The following SLC39A10 variants were observed in gnomAD, a reference collection of about 807,000 sequenced individuals.
SLC39A10 encodes the protein solute carrier family 39 member 10, also known as zinc transporter ZIP10.
SLC39A10 carries 13 observed loss-of-function variants against 65.1 expected under a neutral mutation model. That is an observed-to-expected ratio of 0.20 (90% CI 0.13 to 0.32). SLC39A10 has a LOEUF of 0.32. Among genes scored for constraint, SLC39A10 ranks in the 10% least tolerant of loss-of-function variants. The probability of loss-of-function intolerance (pLI) is 1.00; values close to 1 mark genes in which losing one functional copy is unlikely to be tolerated. For synonymous variants in SLC39A10, 321 were observed against 342.2 expected, an observed-to-expected ratio of 0.94 and a Z score of 0.68; for missense variants, 831 against 1,018.4, an observed-to-expected ratio of 0.82 and a Z score of 2.50.
intron 3 of SLC39A10, among the ~76,000 whole-genome samples, chr2:195,693,187 G>T (rs1036491332): frequency 7.9e-5 from 12 of 152,132 alleles, no homozygotes; most frequent in Non-Finnish European, 1.3e-4. Flanking sequence ...CTTGATCATG[G>T]TAGATTACCG....
chr2:195,703,752 C>T (rs1691288302), intron 3 of SLC39A10, among the ~76,000 whole-genome samples: 1 of 152,152 alleles, frequency 6.6e-6, no homozygotes, highest in African/African-American at 2.4e-5. Context: ...CTCCCAGGCT[C>T]CAGCCATCCT....
intron 2 of SLC39A10, among the ~76,000 whole-genome samples, chr2:195,622,972 C>A (rs1180966503): frequency 0.012 from 1,124 of 96,306 alleles, no homozygotes; most frequent in African/African-American, 0.014. Flanking sequence ...ACTCCTGTCT[C>A]AAAAAAAAAA....
chr2:195,644,635 C>T (rs1185100507), intron 2 of SLC39A10, among the ~76,000 whole-genome samples: 2 of 151,426 alleles, frequency 1.3e-5, no homozygotes, highest in Non-Finnish European at 2.9e-5. Context: ...CCACAGGCCC[C>T]TCAACTAAAA....
chr2:195,695,460 C>T (rs1027919845), intron 3 of SLC39A10, among the ~76,000 whole-genome samples: 2 of 152,204 alleles, frequency 1.3e-5, no homozygotes, highest in African/African-American at 2.4e-5. Flanking sequence ...CCACCATTCC[C>T]CCGGAGAAGC....
At chr2:195,720,619 A>G (rs143085331) in intron 8 of SLC39A10, among the ~76,000 whole-genome samples, 63 of 152,356 alleles carry the variant, frequency 4.1e-4, no homozygotes, top group African/African-American at 1.4e-3. Context: ...TGAAAAATCA[A>G]TAACTTCTTA....
chr2:195,679,905 C>A, intron 1 of SLC39A10, 127 bp from the exon 2 acceptor site: 2 of 658,794 alleles, frequency 3.0e-6, no homozygotes, highest in African/African-American at 1.8e-5. Flanking sequence ...TGGTTCTTAA[C>A]ATATTTTATC....
chr2:195,638,193 A>G (rs1169741320), intron 2 of SLC39A10, among the ~76,000 whole-genome samples: 1 of 152,120 alleles, frequency 6.6e-6, no homozygotes, highest in Non-Finnish European at 1.5e-5. Context: ...GGACCTTGCT[A>G]TGTTGTCCAG....
intron 2 of SLC39A10, among the ~76,000 whole-genome samples, chr2:195,631,398 T>C (rs1688583568): frequency 6.6e-6 from 1 of 152,182 alleles, no homozygotes. Context: ...ATAATTCATT[T>C]AACCATAATG....
intron 3 of SLC39A10, among the ~76,000 whole-genome samples, chr2:195,701,949 A>G (rs949741887): frequency 3.3e-5 from 5 of 152,160 alleles, no homozygotes; most frequent in Non-Finnish European, 5.9e-5. Context: ...CCAGAGTGTT[A>G]GGATTACAGG....
intron 1 of SLC39A10, among the ~76,000 whole-genome samples, chr2:195,676,448 G>A (rs1690093657): frequency 6.6e-6 from 1 of 151,234 alleles, no homozygotes; most frequent in Admixed American, 6.6e-5. Flanking sequence ...TATGTGCTTT[G>A]TGTCTTGCCT....
intron 1 of SLC39A10, 49 bp from the exon 2 acceptor site, chr2:195,679,983 T>C: frequency 7.0e-7 from 1 of 1,431,598 alleles, no homozygotes. Flanking sequence ...TTGTTTTGAA[T>C]GTGTCTAGGT....
At chr2:195,619,245 T>A (rs888156268) in intron 2 of SLC39A10, among the ~76,000 whole-genome samples, 1 of 152,038 alleles carries the variant, frequency 6.6e-6, no homozygotes, top group Non-Finnish European at 1.5e-5. Context: ...GGAAGGGCCA[T>A]CTTCCAGAGC....
chr2:195,699,906 G>A (rs769902332), intron 3 of SLC39A10, among the ~76,000 whole-genome samples: 1 of 152,100 alleles, frequency 6.6e-6, no homozygotes, highest in Non-Finnish European at 1.5e-5. Context: ...AATTGTGACA[G>A]TTTTTGTTTT....
intron 2 of SLC39A10, among the ~76,000 whole-genome samples, chr2:195,629,276 C>T (rs1212232699): frequency 6.6e-6 from 1 of 151,900 alleles, no homozygotes; most frequent in African/African-American, 2.4e-5. Context: ...TGCCTGTAGT[C>T]CCAGCTACTC....
At chr2:195,692,259 A>G (rs935285662) in intron 3 of SLC39A10, among the ~76,000 whole-genome samples, 4 of 152,176 alleles carry the variant, frequency 2.6e-5, no homozygotes, top group African/African-American at 9.6e-5. Flanking sequence ...CTTATAGCAT[A>G]GTTTGAAGTC....
intron 1 of SLC39A10, among the ~76,000 whole-genome samples, chr2:195,659,816 G>A (rs1213441514): frequency 6.6e-6 from 1 of 152,072 alleles, no homozygotes; most frequent in Non-Finnish European, 1.5e-5. Flanking sequence ...AGATGTTTCA[G>A]TTCTTTCATT....
At chr2:195,702,958 C>A (rs184078978) in intron 3 of SLC39A10, among the ~76,000 whole-genome samples, 1 of 152,194 alleles carries the variant, frequency 6.6e-6, no homozygotes, top group East Asian at 1.9e-4. Context: ...TTTTTGAAGA[C>A]CCTCTCCTAG....
intron 1 of SLC39A10, chr2:195,658,309 G>A (rs1689246000): frequency 6.6e-6 from 1 of 152,220 alleles, no homozygotes. Flanking sequence ...TCTGGCACGA[G>A]GAAGAAATAT....
At chr2:195,694,984 G>A (rs1004441783) in intron 3 of SLC39A10, among the ~76,000 whole-genome samples, 3 of 152,138 alleles carry the variant, frequency 2.0e-5, no homozygotes, top group Non-Finnish European at 4.4e-5. Flanking sequence ...TCTCCGCGGG[G>A]CCGGAGTCCC....
Sources: allele counts gnomAD v4.1 joint callset (sites outside exome capture counted in the v4.1 genomes callset), GRCh38; gene constraint gnomAD v4.1.1; transcripts MANE v1.5; gene names NCBI Gene and HGNC (gene_info 2026-07-23, HGNC 2026-07-21).